PCDHGB2: variants seen among roughly 807,000 people sequenced by gnomAD.
The protein encoded by PCDHGB2 is protocadherin gamma subfamily B, 2.
Under a neutral mutation model 59.3 loss-of-function variants are expected in PCDHGB2, and 55 were observed. The observed-to-expected ratio is 0.93, with a 90% CI of 0.75 to 1.16. The LOEUF (loss-of-function observed/expected upper bound fraction) is 1.16. PCDHGB2 is among the 50% of genes most tolerant of loss of function. The pLI is 0.00. For missense variants in PCDHGB2, 1,228 were observed against 1,198.5 expected (o/e 1.02, Z -0.36); for synonymous variants, 516 against 512.0 (o/e 1.01, Z -0.11).
At position 141,489,369 on chromosome 5, in the gene PCDHGB2, G is replaced by T; in HGVS notation, c.2422-5438G>T. ...TGGTGGAGGAGTCTGAGCCGGGGAC[G>T]CTGGTGGGGAATGTTGCTCAGGATC... On this transcript the variant is annotated intron_variant, in intron 1 of 3. Coordinates refer to ENST00000522605, the MANE Select transcript of PCDHGB2 (RefSeq NM_018923.3). This position sits in a 1 kb window ranked among gnomAD's most constrained non-coding sequence, Gnocchi z 4.5. 6.2e-7 allele frequency: 1 copy of T among 1,613,592 alleles called. No homozygotes were observed.
intron 1 of PCDHGB2, among the ~76,000 whole-genome samples, chr5:141,401,210 C>T (rs1038078572): frequency 3.9e-5 from 6 of 151,956 alleles, no homozygotes; most frequent in Non-Finnish European, 5.9e-5. Flanking sequence ...GGTGTGGTGG[C>T]GGGCGCCTGT....
chr5:141,402,684 A>G (rs2094294341), intron 1 of PCDHGB2, among the ~76,000 whole-genome samples: 1 of 152,144 alleles, frequency 6.6e-6, no homozygotes, highest in African/African-American at 2.4e-5. Context: ...ATCTGATATA[A>G]TGTTACACAT....
At chr5:141,472,455 G>A (rs191633108) in intron 1 of PCDHGB2, among the ~76,000 whole-genome samples, 2 of 151,972 alleles carry the variant, frequency 1.3e-5, no homozygotes, top group South Asian at 2.1e-4. Context: ...CAGGAGAATC[G>A]CTTGAACCCA....
At chr5:141,394,425 G>A (rs2092997484) in intron 1 of PCDHGB2, 6 of 1,614,232 alleles carry the variant, frequency 3.7e-6, no homozygotes, top group Non-Finnish European at 5.1e-6. Flanking sequence ...CAGCGACAGC[G>A]GGGACCCGCC....
intron 1 of PCDHGB2, chr5:141,366,594 A>T: frequency 6.2e-7 from 1 of 1,614,242 alleles, no homozygotes; most frequent in South Asian, 1.1e-5. Context: ...ACCTATTCCC[A>T]CGAGGTCTCC....
At position 141,487,370 on chromosome 5, in the gene PCDHGB2, T is replaced by C; in HGVS notation, c.2422-7437T>C. 6.2e-7 allele frequency: 1 copy of C among 1,614,232 alleles called. No individual in the cohort carries two copies. Among genetic ancestry groups the C allele is most frequent in the South Asian group, 1.1e-5 (1 of 91,080 alleles). On this transcript the variant is annotated intron_variant, in intron 1 of 3. Transcript: ENST00000522605. The surrounding 1 kb of genome is among the most constrained non-coding windows in gnomAD (Gnocchi z 5.0). ...ATGCTTTCCTGCTGGCACCTGTGCC[T>C]GTCTCACCAGATCTCGAAGGAGGGA... is the stretch of plus-strand genomic sequence containing the variant.
In PCDHGB2 at chr5:141,392,458, G is replaced by A. The variant is rs113238570; in HGVS notation, c.2421+29902G>A. The A allele has an allele frequency of 2.2e-3, 375 of 170,410 alleles. 4 individuals are homozygous for A. Among genetic ancestry groups the A allele is most frequent in the African/African-American group, 8.5e-3 (357 of 42,198 alleles). The allele number at this position is 170,410 out of a possible 1,614,324, so 10.6% of individuals were successfully genotyped here. ...GTTTCTTTTAAAATATGGGTTTACG[G>A]ATAAATCAAATAAATTCAAAACAAA... On this transcript the variant is annotated intron_variant, in intron 1 of 3. Coordinates refer to ENST00000522605, the MANE Select transcript of PCDHGB2 (RefSeq NM_018923.3).
In PCDHGB2 at chr5:141,486,077, C is replaced by T; in HGVS notation, c.2422-8730C>T. 6.2e-7 allele frequency: 1 copy of T among 1,614,186 alleles called. No individual in the cohort carries two copies. The highest frequency in any genetic ancestry group is 8.5e-7 in the Non-Finnish European group (1 of 1,180,024). ...TAGCCTGCACCCCACTACTGGAAAG[C>T]TTACTCTTTTGGGGCCCCTAGACTT... On this transcript the variant is annotated intron_variant, in intron 1 of 3. Coordinates refer to ENST00000522605, the MANE Select transcript of PCDHGB2 (RefSeq NM_018923.3). The surrounding 1 kb of genome is among the most constrained non-coding windows in gnomAD (Gnocchi z 5.0).
Position 141,477,337 on chromosome 5 carries a change from C to T in PCDHGB2, c.2422-17470C>T. ...TTACTTCTTCCCTCAAGAATTACTT[C>T]ACTTTGAAAACCAGTGCAGACCTGG... On this transcript the variant is annotated intron_variant, in intron 1 of 3. Transcript: ENST00000522605. The surrounding 1 kb of genome is among the most constrained non-coding windows in gnomAD (Gnocchi z 4.9). The T allele has an allele frequency of 1.2e-6, 2 of 1,614,166 alleles. No individual in the cohort carries two copies. Among genetic ancestry groups the T allele is most frequent in the Non-Finnish European group, 1.7e-6 (2 of 1,180,028 alleles).
At chr5:141,423,975 A>G in intron 1 of PCDHGB2, 2 of 1,126,024 alleles carry the variant, frequency 1.8e-6, no homozygotes, top group Non-Finnish European at 2.2e-6. Flanking sequence ...TTATCAGTGT[A>G]TGAGGCTCTC....
chr5:141,360,620 T>C lies in PCDHGB2; in HGVS notation c.485T>C (p.Val162Ala), dbSNP rs759358436. The change falls in exon 1 of 4, where the codon GTT becomes GCT. Residue 162 changes from valine (V) to alanine (A), a missense_variant. Physicochemically the swap from Val to Ala is moderately conservative, Grantham distance 64. Around this residue, in one of 3 missense-constraint regions of PCDHGB2, gnomAD observed 781 missense variants for 721.6 expected, o/e 1.08. Transcript: ENST00000522605. ...CTTGACCCAGCCCTGGATTCAGATG[T>C]TGGTCCTAACTCACTACAAAGATAC... ...FPLDPALDSDVGPNSLQRYHL... is the reference protein window; with the variant it reads ...FPLDPALDSDAGPNSLQRYHL... 2 of 1,614,026 alleles carry C rather than the reference T, an allele frequency of 1.2e-6. No homozygotes were observed. Among genetic ancestry groups the C allele is most frequent in the Non-Finnish European group, 1.7e-6 (2 of 1,179,894 alleles).
At position 141,485,968 on chromosome 5, in the gene PCDHGB2, T is replaced by C; in HGVS notation, c.2422-8839T>C. On this transcript the variant is annotated intron_variant, in intron 1 of 3. Coordinates refer to ENST00000522605, the MANE Select transcript of PCDHGB2 (RefSeq NM_018923.3). The surrounding 1 kb of genome is among the most constrained non-coding windows in gnomAD (Gnocchi z 5.7). The stretch of plus-strand genomic sequence containing the variant: ...CGGGCATGGTGCTCATCCAGCTCAA[T>C]GCCTCAGACCCGGACCTGGGTCCCA... 6.2e-7 allele frequency: 1 copy of C among 1,614,216 alleles called. No homozygotes were observed. The highest frequency in any genetic ancestry group is 1.1e-5 in the South Asian group (1 of 91,088).
chr5:141,469,992 G>T (rs894673835), intron 1 of PCDHGB2, among the ~76,000 whole-genome samples: 2 of 152,056 alleles, frequency 1.3e-5, no homozygotes, highest in Non-Finnish European at 2.9e-5. Context: ...TTAGCTGGTC[G>T]TCGTGGCACG....
In PCDHGB2 at chr5:141,491,807, G is replaced by A; in HGVS notation, c.2422-3000G>A. On this transcript the variant is annotated intron_variant, in intron 1 of 3. Transcript: ENST00000522605. The surrounding 1 kb of genome is among the most constrained non-coding windows in gnomAD (Gnocchi z 6.9). ...CATCCACTCCTCTCCGGCCGGCTTG[G>A]TCGCTGGCTGCGCTCCACCCGATTC... is the stretch of plus-strand genomic sequence containing the variant. 1 of 1,491,112 alleles carries A rather than the reference G, an allele frequency of 6.7e-7. No homozygotes were observed. The highest frequency in any genetic ancestry group is 1.4e-5 in the South Asian group (1 of 73,752). The allele number at this position is 1,491,112 out of a possible 1,614,324, so 92.4% of individuals were successfully genotyped here. A position where few individuals can be genotyped will look rare whatever the true frequency, so the allele number is the denominator to read the frequency against.
intron 1 of PCDHGB2, among the ~76,000 whole-genome samples, chr5:141,467,397 TAGAA>T (rs1326936900): frequency 6.6e-6 from 1 of 152,106 alleles, no homozygotes; most frequent in Non-Finnish European, 1.5e-5. Flanking sequence ...AAGTCATAGT[TAGAA>T]AGCCTTTCCC....
intron 1 of PCDHGB2, chr5:141,410,014 G>C (rs1185262301): frequency 1.2e-6 from 2 of 1,613,296 alleles, no homozygotes. Context: ...ACGCCTGGCT[G>C]TCCTACCACG....
intron 1 of PCDHGB2, among the ~76,000 whole-genome samples, chr5:141,369,284 A>ACT (rs1230564029): frequency 6.6e-6 from 1 of 152,194 alleles, no homozygotes; most frequent in Non-Finnish European, 1.5e-5. Flanking sequence ...TCACTCCCCA[A>ACT]TCCTAATAAC....
chr5:141,413,570 A>G, intron 1 of PCDHGB2: 1 of 1,613,930 alleles, frequency 6.2e-7, no homozygotes, highest in Non-Finnish European at 8.5e-7. Context: ...GATATCAATG[A>G]CAATGCTCCA....
intron 1 of PCDHGB2, among the ~76,000 whole-genome samples, chr5:141,464,964 A>G (rs1433148254): frequency 6.6e-6 from 1 of 152,030 alleles, no homozygotes; most frequent in Non-Finnish European, 1.5e-5. Flanking sequence ...CTTGTCTTGA[A>G]CTACTGGCTT....
Sources: gnomAD v4.1 joint callset for allele counts (sites outside exome capture counted in the v4.1 genomes callset) on GRCh38, gnomAD v4.1.1 for gene constraint, gnomAD v4.1.1 regional missense constraint, Gnocchi (gnomAD v3.1) non-coding constraint, MANE v1.5 for transcripts, NCBI Gene and HGNC (gene_info 2026-07-23, HGNC 2026-07-21) for gene names.